The following SHANK2 variants were observed in gnomAD, a reference collection of about 807,000 sequenced individuals.
SHANK2 encodes the protein SH3 and multiple ankyrin repeat domains protein 2.
SHANK2 carries 43 observed loss-of-function variants against 133.7 expected under a neutral mutation model. That is an observed-to-expected ratio of 0.32 (90% CI 0.25 to 0.41). The LOEUF (loss-of-function observed/expected upper bound fraction) is 0.41, where lower values mean the gene tolerates loss of function less well. SHANK2 is among the 10% of genes least tolerant of loss of function. SHANK2 has a pLI of 1.00. For missense variants in SHANK2, 1,994 were observed against 2,235.8 expected, an observed-to-expected ratio of 0.89 and a Z score of 2.18; for synonymous variants, 1,017 against 952.8, an observed-to-expected ratio of 1.07 and a Z score of -1.24.
At chr11:70,655,821 T>A (rs2061398400) in intron 17 of SHANK2, among the ~76,000 whole-genome samples, 1 of 152,178 alleles carries the variant, frequency 6.6e-6, no homozygotes, top group Admixed American at 6.5e-5. Context: ...CAACTTGCAC[T>A]GGGCCAGTGG....
At chr11:71,141,291 G>C (rs546726553) in intron 3 of SHANK2, among the ~76,000 whole-genome samples, 2 of 151,772 alleles carry the variant, frequency 1.3e-5, no homozygotes, top group Non-Finnish European at 2.9e-5. Flanking sequence ...TCAGGCGTTC[G>C]AGACCAGCCT....
intron 9 of SHANK2, among the ~76,000 whole-genome samples, chr11:71,065,831 C>T (rs1197355933): frequency 0.51 from 17,691 of 34,934 alleles, 2,917 homozygotes; most frequent in African/African-American, 0.56. Flanking sequence ...AAGTTGGGGG[C>T]GGGGCATACA....
intron 17 of SHANK2, among the ~76,000 whole-genome samples, chr11:70,534,928 C>T (rs1473884999): frequency 3.9e-5 from 6 of 151,988 alleles, no homozygotes; most frequent in African/African-American, 7.3e-5. Flanking sequence ...TAGTCAAGTT[C>T]GTTAGCTATG....
chr11:70,839,157 G>C (rs111990839), intron 11 of SHANK2, among the ~76,000 whole-genome samples: 1 of 152,200 alleles, frequency 6.6e-6, no homozygotes, highest in Non-Finnish European at 1.5e-5. Context: ...ACACACTTGC[G>C]GATATTCAGT....
intron 2 of SHANK2, among the ~76,000 whole-genome samples, chr11:71,202,473 G>A (rs1008693499): frequency 2.7e-4 from 41 of 152,166 alleles, no homozygotes; most frequent in African/African-American, 5.8e-4. Context: ...CCAGCCCCTC[G>A]GCGAGACAAG....
At position 70,489,314 on chromosome 11, in the gene SHANK2, T is replaced by C. The variant is rs1186396892; in HGVS notation, c.2572+14A>G. The C allele has an allele frequency of 1.9e-6, 3 of 1,612,514 alleles. No individual in the cohort carries two copies. Among genetic ancestry groups the C allele is most frequent in the African/African-American group, 1.3e-5 (1 of 74,906 alleles). On this transcript the variant is annotated intron_variant, in intron 24 of 25. Coordinates refer to ENST00000601538, the MANE Select transcript of SHANK2 (RefSeq NM_012309.5). ...CATTCAGATTACAGATTCCAAACCG[T>C]AAGGTTCACTAACCTGATAGAAAGA...
intron 17 of SHANK2, among the ~76,000 whole-genome samples, chr11:70,640,893 A>G (rs1387698004): frequency 2.0e-5 from 3 of 152,130 alleles, no homozygotes; most frequent in Non-Finnish European, 2.9e-5. Context: ...GAGTGCAGGC[A>G]ATGAGCGTCT....
At chr11:71,223,879 G>C (rs1954598245) in intron 2 of SHANK2, among the ~76,000 whole-genome samples, 1 of 151,910 alleles carries the variant, frequency 6.6e-6, no homozygotes, top group Admixed American at 6.6e-5. Flanking sequence ...GTCTGGGTCT[G>C]GCATGGGCAC....
At chr11:70,773,736 T>C (rs11237437) in intron 14 of SHANK2, among the ~76,000 whole-genome samples, 17,359 of 152,248 alleles carry the variant, frequency 0.11, 1,199 homozygotes, top group South Asian at 0.29. Flanking sequence ...TTCACATCAT[T>C]AGTTATTAGG....
At chr11:70,658,208 A>AACACACACACAC (rs782131753) in intron 17 of SHANK2, among the ~76,000 whole-genome samples, 24 of 97,562 alleles carry the variant, frequency 2.5e-4, no homozygotes, top group South Asian at 4.4e-4. Flanking sequence ...ACGCCCCCCC[A>AACACACACACAC]ACACACACAC....
chr11:70,728,206 G>A lies in SHANK2; in HGVS notation c.1778-29443C>T, dbSNP rs187045076. ...GGCAGTGCTTGGTTAGGAACACAGG[G>A]AAAAGTACTCCCCAGTTGGAATCCA... On this transcript the variant is annotated intron_variant, in intron 14 of 25. Transcript: ENST00000601538. Among the ~76,000 whole-genome samples the A allele has an allele frequency of 2.2e-4, 34 of 152,300 alleles. No individual in the cohort carries two copies. In the East Asian group the frequency reaches 6.6e-3, roughly 29 times the overall value.
At chr11:71,219,647 T>C (rs1368726966) in intron 2 of SHANK2, among the ~76,000 whole-genome samples, 2 of 151,636 alleles carry the variant, frequency 1.3e-5, no homozygotes, top group African/African-American at 2.4e-5. Flanking sequence ...TCCCAGCCCT[T>C]TGGGAGGCTG....
At chr11:70,871,536 G>A (rs1344135028) in intron 11 of SHANK2, among the ~76,000 whole-genome samples, 2 of 152,242 alleles carry the variant, frequency 1.3e-5, no homozygotes, top group Non-Finnish European at 2.9e-5. Flanking sequence ...CCTGGAGGGA[G>A]AGGCTGTGCC....
chr11:70,548,581 C>T (rs1467426159), intron 17 of SHANK2, among the ~76,000 whole-genome samples: 1 of 152,212 alleles, frequency 6.6e-6, no homozygotes, highest in Non-Finnish European at 1.5e-5. Context: ...AGAACAGAGG[C>T]TGTCACTTTC....
intron 8 of SHANK2, among the ~76,000 whole-genome samples, chr11:71,087,689 C>T (rs1197578863): frequency 3.9e-5 from 6 of 152,108 alleles, no homozygotes; most frequent in East Asian, 1.9e-4. Flanking sequence ...AGTGCAGTGG[C>T]GCAATATCGG....
intron 2 of SHANK2, among the ~76,000 whole-genome samples, chr11:71,219,053 C>T (rs535021663): frequency 2.6e-5 from 4 of 152,312 alleles, no homozygotes; most frequent in South Asian, 4.1e-4. Context: ...CTTCAGACCA[C>T]GAGGACACCA....
At chr11:70,910,972 CATG>C in intron 10 of SHANK2, 1 of 456,930 alleles carries the variant, frequency 2.2e-6, no homozygotes, top group Non-Finnish European at 4.4e-6. Flanking sequence ...TTTGCTAAGC[CATG>C]ATGATGCATC....
intron 8 of SHANK2, among the ~76,000 whole-genome samples, chr11:71,077,829 AG>A (rs1951241371): frequency 6.6e-6 from 1 of 152,192 alleles, no homozygotes; most frequent in Non-Finnish European, 1.5e-5. Context: ...CTCACTGTCA[AG>A]GAAGTTACAA....
At chr11:70,586,541 G>A (rs778977114) in intron 17 of SHANK2, among the ~76,000 whole-genome samples, 8 of 152,178 alleles carry the variant, frequency 5.3e-5, no homozygotes, top group Admixed American at 1.3e-4. Flanking sequence ...CAGAGACCTC[G>A]GAAGCTAACT....
Sources: gnomAD v4.1 joint callset for allele counts (sites outside exome capture counted in the v4.1 genomes callset) on GRCh38, gnomAD v4.1.1 for gene constraint, MANE v1.5 for transcripts, NCBI Gene and HGNC (gene_info 2026-07-23, HGNC 2026-07-21) for gene names.